Variants in DNAJC12 observed in about 807,000 individuals in gnomAD.
DNAJC12 encodes dnaJ homolog subfamily C member 12.
Under a neutral mutation model 28.5 loss-of-function variants are expected in DNAJC12, and 25 were observed. That is an observed-to-expected ratio of 0.88 (90% CI 0.64 to 1.22). The LOEUF (loss-of-function observed/expected upper bound fraction) is 1.22, where lower values mean the gene tolerates loss of function less well. DNAJC12 is among the 50% of genes most tolerant of loss of function. The pLI, the probability that DNAJC12 is intolerant of heterozygous loss-of-function variation, is 0.00. For missense variants in DNAJC12, 222 were observed against 231.7 expected (o/e 0.96, Z 0.27); for synonymous variants, 77 against 80.6 (o/e 0.95, Z 0.24).
intron 4 of DNAJC12, among the ~76,000 whole-genome samples, chr10:67,801,356 C>A (rs949569913): frequency 6.6e-6 from 1 of 152,138 alleles, no homozygotes; most frequent in Non-Finnish European, 1.5e-5. Context: ...AATAATCATG[C>A]AACAGCACTT....
intron 1 of DNAJC12, among the ~76,000 whole-genome samples, chr10:67,826,469 T>TGC (rs1386685195): frequency 9.6e-4 from 12 of 12,530 alleles, no homozygotes; most frequent in South Asian, 2.5e-3. Context: ...TATATATGCA[T>TGC]ATATATATAT....
chr10:67,819,734 G>A (rs1227262447), intron 2 of DNAJC12, among the ~76,000 whole-genome samples: 5 of 21,074 alleles, frequency 2.4e-4, no homozygotes, highest in African/African-American at 1.0e-3. Flanking sequence ...AAGGAAGGAA[G>A]GAAGGAAGGA....
chr10:67,811,748 C>T, intron 2 of DNAJC12, 85 bp from the exon 3 acceptor site: 3 of 1,523,006 alleles, frequency 2.0e-6, no homozygotes, highest in East Asian at 4.6e-5. Flanking sequence ...CTTACTAAAA[C>T]CATGACTGCC....
chr10:67,804,515 T>C (rs118058869), intron 4 of DNAJC12, among the ~76,000 whole-genome samples: 4 of 152,182 alleles, frequency 2.6e-5, no homozygotes, highest in Non-Finnish European at 5.9e-5. Context: ...TGCACAACAA[T>C]GCACCTAGAT....
In DNAJC12 at chr10:67,838,066, C is replaced by G. The variant is rs2273772; in HGVS notation, c.-55G>C. On this transcript the variant is annotated 5_prime_UTR_variant, in exon 1 of 5. Transcript: ENST00000225171. ...CGGAAACAAGAGGCACAGTGAGCTT[C>G]GAATTAACAGGAAGAAACTCTTTAA... 8.3e-7 allele frequency: 1 copy of G among 1,204,012 alleles called. No homozygotes were observed. The highest frequency in any genetic ancestry group is 1.5e-5 in the African/African-American group (1 of 65,652). The allele number at this position is 1,204,012 out of a possible 1,614,324, so 74.6% of individuals were successfully genotyped here. A position where few individuals can be genotyped will look rare whatever the true frequency, so the allele number is the denominator to read the frequency against.
At chr10:67,802,011 G>A (rs144190737) in intron 4 of DNAJC12, among the ~76,000 whole-genome samples, 20 of 151,672 alleles carry the variant, frequency 1.3e-4, no homozygotes, top group African/African-American at 3.1e-4. Flanking sequence ...ACAGGCGCAC[G>A]CCAGCATACC....
chr10:67,819,104 C>T (rs1306853530), intron 2 of DNAJC12, among the ~76,000 whole-genome samples: 1 of 152,102 alleles, frequency 6.6e-6, no homozygotes, highest in African/African-American at 2.4e-5. Flanking sequence ...GAGACCGAGG[C>T]GGGCGGATCA....
At chr10:67,802,843 G>A (rs1365400692) in intron 4 of DNAJC12, among the ~76,000 whole-genome samples, 1 of 123,030 alleles carries the variant, frequency 8.1e-6, no homozygotes, top group African/African-American at 3.7e-5. Flanking sequence ...TTGTGCGTGT[G>A]TGTGTGTGTG....
intron 2 of DNAJC12, among the ~76,000 whole-genome samples, chr10:67,818,948 C>T (rs1368964201): frequency 6.6e-6 from 1 of 152,112 alleles, no homozygotes; most frequent in Non-Finnish European, 1.5e-5. Flanking sequence ...AGCCACCGAG[C>T]CCGATCTAAA....
rs757200785 is a variant in DNAJC12 at position 67,823,435 on chromosome 10, C to A, written c.79-43G>T. 28 of 1,549,832 alleles carry A rather than the reference C, an allele frequency of 1.8e-5. No individual in the cohort carries two copies. In the Admixed American group the frequency reaches 2.7e-4, roughly 15 times the overall value. ...GTTTAAAATAAAGAGTCATGCCAGG[C>A]GCAGTGACTCACGCCTATAATCTCA... is the stretch of plus-strand genomic sequence containing the variant. On this transcript the variant is annotated intron_variant, in intron 1 of 4. Coordinates refer to ENST00000225171, the MANE Select transcript of DNAJC12 (RefSeq NM_021800.3).
chr10:67,805,566 TA>T lies in DNAJC12; in HGVS notation c.502+16del. ...TTTCAGACCTTCTCCATTCTGCAGTTATATAACGTGACTTACCTGAAGAATC... is the reference window on the plus strand; with the variant it reads ...TTTCAGACCTTCTCCATTCTGCAGTTTATAACGTGACTTACCTGAAGAATC... On this transcript the variant is annotated intron_variant, in intron 4 of 4. Transcript: ENST00000225171. 6.3e-7 allele frequency: 1 copy of T among 1,592,652 alleles called. No individual in the cohort carries two copies.
intron 4 of DNAJC12, among the ~76,000 whole-genome samples, chr10:67,805,312 T>C (rs1333917989): frequency 6.6e-6 from 1 of 152,156 alleles, no homozygotes; most frequent in Non-Finnish European, 1.5e-5. Context: ...CTAATATATG[T>C]AAAGAGTGTT....
chr10:67,816,841 C>A (rs1337759533), intron 2 of DNAJC12, among the ~76,000 whole-genome samples: 1 of 152,134 alleles, frequency 6.6e-6, no homozygotes, highest in African/African-American at 2.4e-5. Context: ...GCCATCACAC[C>A]GGCCTTAAGT....
intron 4 of DNAJC12, among the ~76,000 whole-genome samples, chr10:67,798,478 G>C (rs540822396): frequency 6.6e-6 from 1 of 151,642 alleles, no homozygotes; most frequent in Admixed American, 6.6e-5. Context: ...TCAGGAGTTC[G>C]AGACCAGCAT....
intron 2 of DNAJC12, among the ~76,000 whole-genome samples, chr10:67,815,532 A>G (rs1350712922): frequency 1.3e-5 from 2 of 151,342 alleles, no homozygotes; most frequent in African/African-American, 4.8e-5. Flanking sequence ...AAAAAAGAAA[A>G]GAAAAAAAAA....
At chr10:67,797,826 G>A (rs1270587284) in intron 4 of DNAJC12, among the ~76,000 whole-genome samples, 1 of 151,968 alleles carries the variant, frequency 6.6e-6, no homozygotes, top group Non-Finnish European at 1.5e-5. Context: ...GGATCACGAG[G>A]TCAGGAGATC....
At chr10:67,805,932 A>C in intron 3 of DNAJC12, 145 bp from the exon 4 acceptor site, 3 of 564,260 alleles carry the variant, frequency 5.3e-6, no homozygotes, top group Non-Finnish European at 8.7e-6. Context: ...CAAGATACTC[A>C]TAAATTAATC....
chr10:67,819,409 C>G (rs1247614156), intron 2 of DNAJC12, among the ~76,000 whole-genome samples: 1 of 151,742 alleles, frequency 6.6e-6, no homozygotes, highest in East Asian at 2.0e-4. Context: ...GAGGCCGAGG[C>G]AGGCGAATCA....
At chr10:67,805,843 ATATT>A (rs1358784404) in intron 3 of DNAJC12, 56 bp from the exon 4 acceptor site, 1 of 1,386,354 alleles carries the variant, frequency 7.2e-7, no homozygotes, top group African/African-American at 1.5e-5. Context: ...ATGATTTTCT[ATATT>A]TAAAGTTTGA....
Sources: gnomAD v4.1 joint callset for allele counts (sites outside exome capture counted in the v4.1 genomes callset) on GRCh38, gnomAD v4.1.1 for gene constraint, MANE v1.5 for transcripts, NCBI Gene and HGNC (gene_info 2026-07-23, HGNC 2026-07-21) for gene names.